The following TLN2 variants were observed in gnomAD, a reference collection of about 807,000 sequenced individuals.
The protein encoded by TLN2 is talin 2, also known as talin-2.
A neutral mutation model predicts 294.7 loss-of-function variants in TLN2; 118 were observed. That is an observed-to-expected ratio of 0.40 (90% CI 0.34 to 0.47). The LOEUF is 0.47. Among genes scored for constraint, TLN2 ranks in the 20% least tolerant of loss-of-function variants. The probability of loss-of-function intolerance (pLI) is 0.84; values close to 1 mark genes in which losing one functional copy is unlikely to be tolerated. For synonymous variants in TLN2, 1,431 were observed against 1,304.5 expected (o/e 1.10, Z -2.09); for missense variants, 3,083 against 3,282.2 (o/e 0.94, Z 1.48).
chr15:62,451,365 G>T (rs1263831602), intron 1 of TLN2, among the ~76,000 whole-genome samples: 1 of 152,124 alleles, frequency 6.6e-6, no homozygotes, highest in African/African-American at 2.4e-5. Flanking sequence ...TTCTTAAGAG[G>T]GGTTGGCTGG....
intron 1 of TLN2, among the ~76,000 whole-genome samples, chr15:62,522,884 T>C (rs1305450365): frequency 6.6e-6 from 1 of 151,712 alleles, no homozygotes; most frequent in African/African-American, 2.4e-5. Flanking sequence ...TGTGAGAGAA[T>C]GTTACAGAGG....
intron 54 of TLN2, among the ~76,000 whole-genome samples, chr15:62,820,838 A>G (rs1261511469): frequency 1.3e-5 from 2 of 152,190 alleles, no homozygotes; most frequent in Non-Finnish European, 2.9e-5. Flanking sequence ...TGAGTATCCA[A>G]AGGAAGAATT....
At chr15:62,549,455 C>G (rs2042169032) in intron 1 of TLN2, among the ~76,000 whole-genome samples, 1 of 138,154 alleles carries the variant, frequency 7.2e-6, no homozygotes, top group East Asian at 2.0e-4. Flanking sequence ...AATAGTGCCA[C>G]TCAGAGGCCT....
intron 14 of TLN2, among the ~76,000 whole-genome samples, chr15:62,696,244 C>A (rs1298777693): frequency 1.3e-5 from 2 of 152,198 alleles, no homozygotes; most frequent in African/African-American, 4.8e-5. Context: ...CCTGTCTCTT[C>A]ATGCAGCTGC....
intron 28 of TLN2, among the ~76,000 whole-genome samples, chr15:62,730,687 C>A (rs2060675882): frequency 6.6e-6 from 1 of 152,162 alleles, no homozygotes; most frequent in South Asian, 2.1e-4. Flanking sequence ...TTGTTGCTGG[C>A]TTCCTTTATT....
chr15:62,549,795 T>C (rs1159722707), intron 1 of TLN2, among the ~76,000 whole-genome samples: 3 of 152,280 alleles, frequency 2.0e-5, no homozygotes, highest in Non-Finnish European at 4.4e-5. Context: ...GGCAGATGTT[T>C]AGGCAGAGGG....
At chr15:62,748,951 C>A (rs998874289) in intron 33 of TLN2, among the ~76,000 whole-genome samples, 1 of 152,226 alleles carries the variant, frequency 6.6e-6, no homozygotes, top group Non-Finnish European at 1.5e-5. Context: ...GGCTGTGGGG[C>A]CCCTAAGGGC....
rs139430056 is a variant in TLN2, at chr15:62,774,480, C to T, written c.5368-2284C>T. On this transcript the variant is annotated intron_variant, in intron 42 of 58. Coordinates refer to ENST00000636159, the MANE Select transcript of TLN2 (RefSeq NM_015059.3). ...TCTTTGGGTATCTGAAACTATTGAG[C>T]TCTACTAGCAGGTATGTGTGATTTG... is the stretch of plus-strand genomic sequence containing the variant. Among the ~76,000 whole-genome samples, 425 of 152,246 alleles carry T rather than the reference C, an allele frequency of 2.8e-3. 1 individual carries two copies. Among genetic ancestry groups the T allele is most frequent in the African/African-American group, 9.8e-3 (408 of 41,558 alleles).
intron 39 of TLN2, among the ~76,000 whole-genome samples, chr15:62,763,011 G>T (rs1016989080): frequency 2.0e-5 from 3 of 152,148 alleles, no homozygotes; most frequent in Admixed American, 6.5e-5. Context: ...TAAATACCTC[G>T]CAGCATGAAA....
At chr15:62,593,381 G>T (rs530204723) in intron 2 of TLN2, among the ~76,000 whole-genome samples, 1 of 152,334 alleles carries the variant, frequency 6.6e-6, no homozygotes, top group South Asian at 2.1e-4. Flanking sequence ...TTTGTGCTTA[G>T]TAAATGTTTC....
At chr15:62,764,581 G>A (rs923435945) in intron 40 of TLN2, among the ~76,000 whole-genome samples, 2 of 152,182 alleles carry the variant, frequency 1.3e-5, no homozygotes, top group African/African-American at 2.4e-5. Flanking sequence ...AAGTCCGTAT[G>A]TATATGCATG....
chr15:62,685,952 C>T (rs2057254338), intron 11 of TLN2, among the ~76,000 whole-genome samples: 1 of 152,120 alleles, frequency 6.6e-6, no homozygotes, highest in Non-Finnish European at 1.5e-5. Context: ...TCATTTGTCA[C>T]CCAAGGATCA....
intron 40 of TLN2, among the ~76,000 whole-genome samples, chr15:62,764,489 CCCT>C (rs895207227): frequency 4.6e-5 from 7 of 152,154 alleles, no homozygotes; most frequent in Non-Finnish European, 8.8e-5. Context: ...TCCACCTTCA[CCCT>C]CCTATTTCCA....
intron 1 of TLN2, among the ~76,000 whole-genome samples, chr15:62,463,062 C>T (rs1057255225): frequency 6.6e-6 from 1 of 152,122 alleles, no homozygotes; most frequent in African/African-American, 2.4e-5. Context: ...TTGCCTTTCC[C>T]CCAACCCCCC....
At chr15:62,565,432 G>GC (rs1232455503) in intron 1 of TLN2, among the ~76,000 whole-genome samples, 2 of 150,478 alleles carry the variant, frequency 1.3e-5, no homozygotes, top group Non-Finnish European at 3.0e-5. Context: ...AGGCATCATT[G>GC]CCCAATAGAG....
intron 12 of TLN2, 105 bp from the exon 13 acceptor site, chr15:62,692,735 G>T: frequency 1.3e-6 from 1 of 790,520 alleles, no homozygotes; most frequent in South Asian, 1.6e-5. Flanking sequence ...AGGAGGAGCA[G>T]GGAAAATGAA....
Position 62,805,745 on chromosome 15 carries a change from T to G in TLN2, c.6623T>G (p.Leu2208Arg), listed in dbSNP as rs758856919. The G allele has an allele frequency of 2.2e-5, 36 of 1,613,960 alleles. No homozygotes were observed. Among genetic ancestry groups the G allele is most frequent in the Non-Finnish European group, 3.1e-5 (36 of 1,179,976 alleles). ...RQEDVIATANLSRKAVSDMLT... is the reference protein window; with the variant it reads ...RQEDVIATANRSRKAVSDMLT... ...GAGGACGTGATTGCTACTGCCAACCTGAGCCGGAAAGCCGTGTCAGATATG... is the reference window on the plus strand; with the variant it reads ...GAGGACGTGATTGCTACTGCCAACCGGAGCCGGAAAGCCGTGTCAGATATG... The change falls in exon 51 of 59, where the codon CTG becomes CGG. Residue 2208 changes from leucine (L) to arginine (R), a missense_variant. By Grantham distance (102) the Leu-to-Arg change is moderately radical (BLOSUM62 -2). Coordinates refer to ENST00000636159, the MANE Select transcript of TLN2 (RefSeq NM_015059.3).
intron 1 of TLN2, among the ~76,000 whole-genome samples, chr15:62,420,552 G>C (rs918787588): frequency 6.6e-6 from 1 of 152,124 alleles, no homozygotes; most frequent in Non-Finnish European, 1.5e-5. Flanking sequence ...GTGCCACCAT[G>C]CTCGGCTAAT....
At chr15:62,544,993 G>A (rs1175910979) in intron 1 of TLN2, among the ~76,000 whole-genome samples, 2 of 151,664 alleles carry the variant, frequency 1.3e-5, no homozygotes, top group Admixed American at 6.6e-5. Flanking sequence ...GCAGTGTTGC[G>A]ATCTCGGCTC....
Sources: allele counts gnomAD v4.1 joint callset (sites outside exome capture counted in the v4.1 genomes callset), GRCh38; gene constraint gnomAD v4.1.1; transcripts MANE v1.5; gene names NCBI Gene and HGNC (gene_info 2026-07-23, HGNC 2026-07-21).